EOLA2: variants seen among roughly 807,000 people sequenced by gnomAD.
EOLA2 encodes protein EOLA2.
EOLA2 carries 3 observed loss-of-function variants against 4.1 expected under a neutral mutation model. That is an observed-to-expected ratio of 0.73 (90% confidence interval 0.33 to 1.89). The LOEUF is 1.89. Among genes scored for constraint, EOLA2 ranks in the 40% most tolerant of loss-of-function variants. The pLI, the probability that EOLA2 is intolerant of heterozygous loss-of-function variation, is 0.08. For synonymous variants in EOLA2, 52 were observed against 51.7 expected (o/e 1.01, Z -0.03); for missense variants, 109 against 126.4 (o/e 0.86, Z 0.66).
chrX:149,932,498 A>T lies in EOLA2; in HGVS notation c.*46T>A. 8.3e-7 allele frequency: 1 copy of T among 1,203,886 alleles called. No homozygotes were observed. The highest frequency in any genetic ancestry group is 1.7e-5 in the African/African-American group (1 of 57,397). On this transcript the variant is annotated 3_prime_UTR_variant, in exon 5 of 5. Transcript: ENST00000370406. Reference sequence around the variant, plus strand: ...ACGATGGCAAATTGAAGGTGCCATGATTTAGCTGGTTTCTCTGGAACATTC... The same window carrying T: ...ACGATGGCAAATTGAAGGTGCCATGTTTTAGCTGGTTTCTCTGGAACATTC...
chrX:149,931,529 C>T (rs1392066853), downstream of EOLA2, among the ~76,000 whole-genome samples: 1 of 100,479 alleles, frequency 1.0e-5, no homozygotes, highest in African/African-American at 3.6e-5. Flanking sequence ...CGCCTGATTC[C>T]GGCAATATCT....
At chrX:149,930,927 G>C, downstream of EOLA2, 1 of 920,199 alleles carries the variant, frequency 1.1e-6, no homozygotes, top group African/African-American at 2.2e-5. Flanking sequence ...GGCACCTCTG[G>C]GAATGTCACA....
downstream of EOLA2, among the ~76,000 whole-genome samples, chrX:149,931,624 C>T (rs2090873904): frequency 1.1e-5 from 1 of 90,677 alleles, no homozygotes; most frequent in African/African-American, 4.0e-5. Flanking sequence ...CTCAGCATCC[C>T]TAGCCTAGCA....
rs782558006 is a variant in EOLA2 at position 149,932,682 on chromosome X, C to T, written c.339G>A (p.Leu113=). 2 of 1,208,519 alleles carry T rather than the reference C, an allele frequency of 1.7e-6. No homozygotes were observed. The highest frequency in any genetic ancestry group is 1.8e-5 in the African/African-American group (1 of 56,158). The change falls in exon 5 of 5, where the codon CTG becomes CTA. Residue 113 remains leucine (L), a synonymous_variant. Coordinates refer to ENST00000370406, the MANE Select transcript of EOLA2 (RefSeq NM_001013845.2). The stretch of plus-strand genomic sequence containing the variant: ...TCAGGTACTTCTGCTTCAGGTTGGT[C>T]AGTGCAGCTTGATTTTCTAGTTCCA... ...EVVELENQAA[L]TNLKQKYLTV...
rs1557374564 is a variant in EOLA2 at position 149,932,565 on chromosome X, G to A, written c.456C>T (p.Ile152=). Residue 152 remains isoleucine, a synonymous_variant, in exon 5 of 5, where the codon ATC becomes ATT. Transcript: ENST00000370406. ...VFQVDIPEHL[I]PLGHEV The stretch of plus-strand genomic sequence containing the variant: ...CTTGTCACACTTCATGCCCCAAAGG[G>A]ATCAGGTGCTCTGGGATGTCTACCT... 1.8e-5 allele frequency: 22 copies of A among 1,203,316 alleles called. No homozygotes were observed. Among genetic ancestry groups the A allele is most frequent in the African/African-American group, 3.6e-5 (2 of 55,529 alleles).
At position 149,934,749 on chromosome X, in the gene EOLA2, CCA is replaced by C. The variant is rs1283554933; in HGVS notation, c.-162-614_-162-613del. On this transcript the variant is annotated intron_variant, in intron 2 of 4. Transcript: ENST00000370406. Reference sequence around the variant, plus strand: ...TGGCTGAGGAGAATGAGGCACCAGCCCACAGTCACACGGGCTCTGACTTCCCA... The same window carrying C: ...TGGCTGAGGAGAATGAGGCACCAGCCCAGTCACACGGGCTCTGACTTCCCA... Among the ~76,000 whole-genome samples the C allele has an allele frequency of 3.0e-4, 34 of 112,352 alleles. 1 individual carries two copies. Among genetic ancestry groups the C allele is most frequent in the Non-Finnish European group, 1.9e-5 (1 of 53,177 alleles).
At chrX:149,935,469 T>G (rs1313362067) in intron 2 of EOLA2, among the ~76,000 whole-genome samples, 1 of 35,736 alleles carries the variant, frequency 2.8e-5, no homozygotes, top group African/African-American at 1.2e-4. Flanking sequence ...CAGTCTCTAC[T>G]TCCTCTCTGA....
At chrX:149,932,009 C>T (rs1360608470), downstream of EOLA2, among the ~76,000 whole-genome samples, 1 of 99,461 alleles carries the variant, frequency 1.0e-5, no homozygotes, top group East Asian at 3.3e-4. Context: ...CAGACAGCTG[C>T]TCTAAGTCTG....
chrX:149,931,205 T>A (rs782613651), downstream of EOLA2: 1 of 870,972 alleles, frequency 1.1e-6, no homozygotes, highest in African/African-American at 2.1e-5. Flanking sequence ...AAGTTGCCAT[T>A]TTCTAATGAG....
At position 149,933,519 on chromosome X, in the gene EOLA2, A is replaced by T. The variant is rs1315791811; in HGVS notation, c.253+103T>A. Reference sequence around the variant, plus strand: ...GTTGCCAAAGGAAACTGTGTTATACACGCCAATCAGTTCAGATGACAAGAG... The same window carrying T: ...GTTGCCAAAGGAAACTGTGTTATACTCGCCAATCAGTTCAGATGACAAGAG... On this transcript the variant is annotated intron_variant, in intron 4 of 4. Transcript: ENST00000370406. 7 of 874,258 alleles carry T rather than the reference A, an allele frequency of 8.0e-6. No individual in the cohort carries two copies. The East Asian group carries it at 2.3e-4, about 29-fold the overall frequency. 72.0% of individuals were successfully genotyped at this position (874,258 alleles called of 1,213,427 possible). A position where few individuals can be genotyped will look rare whatever the true frequency, so the allele number is the denominator to read the frequency against.
rs1473950933 is a variant in EOLA2, at chrX:149,933,771, C to T, written c.104G>A (p.Arg35Gln). The T allele has an allele frequency of 2.1e-5, 25 of 1,204,766 alleles. No individual in the cohort carries two copies. The highest frequency in any genetic ancestry group is 3.7e-5 in the African/African-American group (2 of 54,462). The change falls in exon 4 of 5, where the codon CGG (arginine) becomes CAG (glutamine). Residue 35 changes from arginine (R) to glutamine (Q), a missense_variant. By Grantham distance (43) the Arg-to-Gln change is conservative (BLOSUM62 1). Transcript: ENST00000370406. ...TRWRPLLSSQ[R>Q]NCTIAVHIAH... is the part of the protein sequence containing the mutation. ...AATGTGGACGGCGATGGTACAGTTC[C>T]GCTGGCTGCTCAGCAGAGGACGCCA...
intron 2 of EOLA2, chrX:149,934,401 G>A (rs1373580556): frequency 3.5e-5 from 25 of 723,453 alleles, no homozygotes; most frequent in Non-Finnish European, 4.1e-5. Context: ...CTCCAGGGCT[G>A]CTGAGCCCAC....
In EOLA2 at chrX:149,932,588, C is replaced by T. The variant is rs782317918; in HGVS notation, c.433G>A (p.Val145Ile). 8.3e-7 allele frequency: 1 copy of T among 1,206,789 alleles called. No individual in the cohort carries two copies. The highest frequency in any genetic ancestry group is 1.8e-5 in the South Asian group (1 of 56,580). The part of the protein sequence containing the change: ...PRKGGKDVFQ[V>I]DIPEHLIPLG... Reference sequence around the variant, plus strand: ...GGGATCAGGTGCTCTGGGATGTCTACCTGGAATACATCCTTGCCTCCTTTC... The same window carrying T: ...GGGATCAGGTGCTCTGGGATGTCTATCTGGAATACATCCTTGCCTCCTTTC... Residue 145 changes from valine to isoleucine, a missense_variant, in exon 5 of 5, where the codon GTA becomes ATA. Val to Ile is a conservative substitution (Grantham distance 29). Coordinates refer to ENST00000370406, the MANE Select transcript of EOLA2 (RefSeq NM_001013845.2).
In EOLA2 at chrX:149,938,187, T is replaced by TG. The variant is rs1352147138; in HGVS notation, c.-211+5dup. 2.6e-5 allele frequency: 3 copies of TG among 113,313 alleles called. No homozygotes were observed. In the Admixed American group the frequency reaches 2.8e-4, roughly 10 times the overall value. The allele number at this position is 113,313 out of a possible 1,213,427, so 9.3% of individuals were successfully genotyped here. Reference sequence around the variant, plus strand: ...ACACGGGCTCCGGCATCAGGGGCCCTGGTACCTTTCAGCCGCGGCCGGTCT... The same window carrying TG: ...ACACGGGCTCCGGCATCAGGGGCCCTGGGTACCTTTCAGCCGCGGCCGGTCT... On this transcript the variant is annotated splice_donor_region_variant and intron_variant, in intron 1 of 4. Coordinates refer to ENST00000370406, the MANE Select transcript of EOLA2 (RefSeq NM_001013845.2).
intron 2 of EOLA2, among the ~76,000 whole-genome samples, chrX:149,937,225 C>T (rs1557376362): frequency 8.9e-6 from 1 of 112,241 alleles, no homozygotes; most frequent in Admixed American, 9.4e-5. Flanking sequence ...GAATGTCCCC[C>T]ACAGGGCCTG....
At chrX:149,937,763 G>A (rs1557376555) in intron 1 of EOLA2, among the ~76,000 whole-genome samples, 1 of 112,785 alleles carries the variant, frequency 8.9e-6, no homozygotes, top group African/African-American at 3.2e-5. Flanking sequence ...CGCTCCATCC[G>A]AGGGGAGAAA....
chrX:149,934,135 C>T lies in EOLA2; in HGVS notation c.-160G>A. On this transcript the variant is annotated splice_region_variant and 5_prime_UTR_variant, in exon 3 of 5. Transcript: ENST00000370406. Reference sequence around the variant, plus strand: ...GGGGCGGTCCGGAGTAGGGCGGGGACAGCTAGAGGAAGGCACAGGCAGGAT... The same window carrying T: ...GGGGCGGTCCGGAGTAGGGCGGGGATAGCTAGAGGAAGGCACAGGCAGGAT... 9.6e-7 allele frequency: 1 copy of T among 1,046,507 alleles called. No homozygotes were observed. Among genetic ancestry groups the T allele is most frequent in the Admixed American group, 4.0e-5 (1 of 24,750 alleles). The allele number at this position is 1,046,507 out of a possible 1,213,427, so 86.2% of individuals were successfully genotyped here. A position where few individuals can be genotyped will look rare whatever the true frequency, so the allele number is the denominator to read the frequency against.
chrX:149,931,846 A>G (rs1158004619), downstream of EOLA2, among the ~76,000 whole-genome samples: 7 of 105,512 alleles, frequency 6.6e-5, no homozygotes, highest in Non-Finnish European at 1.4e-4. Context: ...AAATAAAACA[A>G]CACTACTGAT....
chrX:149,931,058 C>T (rs2090867143), downstream of EOLA2: 1 of 938,238 alleles, frequency 1.1e-6, no homozygotes, highest in African/African-American at 2.0e-5. Context: ...GTTGGCCTCC[C>T]TCTCAGTCAT....
Sources: gnomAD v4.1 joint callset for allele counts (sites outside exome capture counted in the v4.1 genomes callset) on GRCh38, gnomAD v4.1.1 for gene constraint, MANE v1.5 for transcripts, NCBI Gene and HGNC (gene_info 2026-07-23, HGNC 2026-07-21) for gene names.